The following RIT2 variants were observed in gnomAD, a reference collection of about 807,000 sequenced individuals.
The protein encoded by RIT2 is Ras like without CAAX 2.
Under a neutral mutation model 23.7 loss-of-function variants are expected in RIT2, and 24 were observed. That is an observed-to-expected ratio of 1.01 (90% CI 0.73 to 1.43). RIT2 has a LOEUF of 1.43. RIT2 is among the 40% of genes most tolerant of loss of function. The pLI, the probability that RIT2 is intolerant of heterozygous loss-of-function variation, is 0.00. For synonymous variants in RIT2, 107 were observed against 91.1 expected (o/e 1.17, Z -0.99); for missense variants, 236 against 266.9 (o/e 0.88, Z 0.81).
intron 4 of RIT2, among the ~76,000 whole-genome samples, chr18:42,828,450 A>T (rs543064174): frequency 6.6e-6 from 1 of 152,246 alleles, no homozygotes; most frequent in African/African-American, 2.4e-5. Context: ...ATTCATTTAC[A>T]TAATGCAAGG....
In RIT2 at chr18:43,033,768, G is replaced by C. The variant is rs376527258; in HGVS notation, c.160+43C>G. ...ATTATTTTCAAGCCACTTAGTCACA[G>C]TGTCTTTATTTGAGCTTACGGAGAA... is the stretch of plus-strand genomic sequence containing the variant. On this transcript the variant is annotated intron_variant, in intron 2 of 4. Coordinates refer to ENST00000326695, the MANE Select transcript of RIT2 (RefSeq NM_002930.4). The C allele has an allele frequency of 2.2e-6, 3 of 1,351,390 alleles. No homozygotes were observed. The African/African-American group carries it at 4.3e-5, about 20-fold the overall frequency. The allele number at this position is 1,351,390 out of a possible 1,614,324, so 83.7% of individuals were successfully genotyped here.
At position 43,002,623 on chromosome 18, in the gene RIT2, G is replaced by C. The variant is rs545530030; in HGVS notation, c.161-28476C>G. ...AAGGTATCCAGATGATCACTTGCAGGGACTAGGGCATTGATGAGCCACCGG... is the reference window on the plus strand; with the variant it reads ...AAGGTATCCAGATGATCACTTGCAGCGACTAGGGCATTGATGAGCCACCGG... On this transcript the variant is annotated intron_variant, in intron 2 of 4. Transcript: ENST00000326695. Among the ~76,000 whole-genome samples, 16 of 151,938 alleles carry C rather than the reference G, an allele frequency of 1.1e-4. No homozygotes were observed. In the South Asian group the frequency reaches 2.3e-3, roughly 22 times the overall value.
chr18:43,036,915 T>G (rs1216841141), intron 1 of RIT2, among the ~76,000 whole-genome samples: 2 of 152,238 alleles, frequency 1.3e-5, no homozygotes, highest in African/African-American at 4.8e-5. Flanking sequence ...GTTATCACAC[T>G]GGAGAGAATC....
intron 4 of RIT2, among the ~76,000 whole-genome samples, chr18:42,862,928 G>A (rs1396708198): frequency 2.0e-5 from 3 of 152,032 alleles, no homozygotes; most frequent in African/African-American, 7.2e-5. Flanking sequence ...CTATGATTAG[G>A]TAGAGGATAA....
intron 2 of RIT2, among the ~76,000 whole-genome samples, chr18:43,012,648 T>C (rs1005024432): frequency 3.3e-5 from 5 of 151,584 alleles, no homozygotes; most frequent in Non-Finnish European, 7.4e-5. Flanking sequence ...ATATGTATTA[T>C]ATGTTATTTT....
intron 2 of RIT2, among the ~76,000 whole-genome samples, chr18:42,978,809 T>A (rs1910530946): frequency 6.6e-6 from 1 of 152,138 alleles, no homozygotes; most frequent in Non-Finnish European, 1.5e-5. Context: ...AGACCTATAT[T>A]AAAGCCTCAA....
chr18:42,958,042 C>T (rs1910013736), intron 3 of RIT2, among the ~76,000 whole-genome samples: 1 of 151,968 alleles, frequency 6.6e-6, no homozygotes, highest in African/African-American at 2.4e-5. Context: ...AAAGAGGAGG[C>T]TGGTTAAAAG....
At chr18:42,826,798 T>A (rs1906309463) in intron 4 of RIT2, among the ~76,000 whole-genome samples, 1 of 152,126 alleles carries the variant, frequency 6.6e-6, no homozygotes, top group African/African-American at 2.4e-5. Context: ...TTTCAACAAT[T>A]AGTAGCATTT....
intron 2 of RIT2, among the ~76,000 whole-genome samples, chr18:42,992,888 A>G (rs1162866189): frequency 2.0e-5 from 3 of 152,146 alleles, no homozygotes; most frequent in Non-Finnish European, 4.4e-5. Flanking sequence ...CCGTTTTATT[A>G]TCAATATGCA....
intron 4 of RIT2, among the ~76,000 whole-genome samples, chr18:42,796,733 A>G (rs1905373807): frequency 6.6e-6 from 1 of 152,198 alleles, no homozygotes; most frequent in African/African-American, 2.4e-5. Flanking sequence ...GAGTTTCTGA[A>G]TAAATCTGAT....
intron 4 of RIT2, among the ~76,000 whole-genome samples, chr18:42,858,561 A>G (rs1423210378): frequency 6.6e-6 from 1 of 152,244 alleles, no homozygotes; most frequent in Non-Finnish European, 1.5e-5. Flanking sequence ...TAATTAACAT[A>G]CCATAAAATT....
intron 4 of RIT2, among the ~76,000 whole-genome samples, chr18:42,795,590 C>G (rs190048293): frequency 6.6e-6 from 1 of 152,370 alleles, no homozygotes; most frequent in Non-Finnish European, 1.5e-5. Flanking sequence ...CCAGTCCCAT[C>G]GACCACCTAA....
rs573045036 is a variant in RIT2, at chr18:42,922,411, A to C, written c.426+1161T>G. 5.9e-5 allele frequency among the ~76,000 whole-genome samples: 9 copies of C among 152,284 alleles called. No homozygotes were observed. The East Asian group carries it at 1.7e-3, about 29-fold the overall frequency. On this transcript the variant is annotated intron_variant, in intron 4 of 4. Transcript: ENST00000326695. Reference sequence around the variant, plus strand: ...TAGCTGGAATAACATGAACTATTAAAAGCCAGTTCAAATTTAAGGTCAACG... The same window carrying C: ...TAGCTGGAATAACATGAACTATTAACAGCCAGTTCAAATTTAAGGTCAACG...
chr18:43,054,716 G>A (rs1044865009), intron 1 of RIT2, among the ~76,000 whole-genome samples: 13 of 151,930 alleles, frequency 8.6e-5, no homozygotes, highest in Non-Finnish European at 1.6e-4. Flanking sequence ...TCCTGAAATA[G>A]CAGAAAATAA....
intron 2 of RIT2, among the ~76,000 whole-genome samples, chr18:43,009,647 C>A (rs780984232): frequency 6.6e-6 from 1 of 151,602 alleles, no homozygotes; most frequent in Non-Finnish European, 1.5e-5. Flanking sequence ...TGCTTTTCTG[C>A]ATCATTGGAT....
chr18:43,033,765 A>G (rs1358524821), intron 2 of RIT2, 46 bp downstream of exon 2: 1 of 1,314,784 alleles, frequency 7.6e-7, no homozygotes, highest in Non-Finnish European at 1.1e-6. Context: ...CCACTTAGTC[A>G]CAGTGTCTTT....
At chr18:42,956,639 G>C (rs1284577230) in intron 3 of RIT2, among the ~76,000 whole-genome samples, 1 of 152,080 alleles carries the variant, frequency 6.6e-6, no homozygotes, top group South Asian at 2.1e-4. Context: ...ATTTTAAGGA[G>C]CAGTACCATC....
At chr18:42,857,828 C>T (rs910636862) in intron 4 of RIT2, among the ~76,000 whole-genome samples, 5 of 152,136 alleles carry the variant, frequency 3.3e-5, no homozygotes, top group African/African-American at 1.2e-4. Context: ...TGGTAATGCT[C>T]AAGACCTAGG....
At chr18:43,078,652 C>T (rs183880884) in intron 1 of RIT2, among the ~76,000 whole-genome samples, 4 of 152,144 alleles carry the variant, frequency 2.6e-5, no homozygotes, top group Non-Finnish European at 5.9e-5. Flanking sequence ...AGAGCATGGC[C>T]ACAGGGTGCA....
Sources: allele counts gnomAD v4.1 joint callset (sites outside exome capture counted in the v4.1 genomes callset), GRCh38; gene constraint gnomAD v4.1.1; transcripts MANE v1.5; gene names NCBI Gene and HGNC (gene_info 2026-07-23, HGNC 2026-07-21).